SLX4: variants seen among roughly 807,000 people sequenced by gnomAD.
The protein encoded by SLX4 is SLX4 structure-specific endonuclease subunit.
Under a neutral mutation model 146.2 loss-of-function variants are expected in SLX4, and 112 were observed. The observed-to-expected ratio is 0.77, with a 90% confidence interval of 0.66 to 0.90. The LOEUF is 0.90. SLX4 is among the 40% of genes least tolerant of loss of function. The pLI, the probability that SLX4 is intolerant of heterozygous loss-of-function variation, is 0.00. For synonymous variants in SLX4, 1,061 were observed against 997.7 expected (o/e 1.06, Z -1.20); for missense variants, 2,563 against 2,392.7 (o/e 1.07, Z -1.49).
intron 1 of SLX4, among the ~76,000 whole-genome samples, chr16:3,610,039 C>T (rs1353884902): frequency 6.6e-6 from 1 of 152,228 alleles, no homozygotes; most frequent in Non-Finnish European, 1.5e-5. Context: ...CTCAACCCAG[C>T]AAGGCTCTCC....
chr16:3,591,419 T>C (rs1418925977), intron 11 of SLX4, 109 bp from the exon 12 acceptor site: 1 of 1,492,886 alleles, frequency 6.7e-7, no homozygotes, highest in African/African-American at 1.4e-5. Context: ...GGAATGACCA[T>C]GACCCAGGCC....
chr16:3,590,950 CA>C lies in SLX4; in HGVS notation c.2687del (p.Val896GlyfsTer105). ...CCTCCACCTTGTCCCACTGTTTCTGCACCTGGACACCTGCTAGGAGTTGCCC... is the reference window on the plus strand; with the variant it reads ...CCTCCACCTTGTCCCACTGTTTCTGCCCTGGACACCTGCTAGGAGTTGCCC... ...VSGQLLAGVQ[V>X]QKQWDKVEEM... On this transcript the variant is annotated frameshift_variant, in exon 12 of 15. Transcript: ENST00000294008. LOFTEE classifies it high-confidence loss of function. This position sits in a 1 kb window ranked among gnomAD's most constrained non-coding sequence, Gnocchi z 4.8. 16 of 1,614,208 alleles carry C rather than the reference CA, an allele frequency of 9.9e-6. No individual in the cohort carries two copies. Among genetic ancestry groups the C allele is most frequent in the Non-Finnish European group, 1.3e-5 (15 of 1,180,046 alleles).
In SLX4 at chr16:3,589,737, C is replaced by T. The variant is rs2151122534; in HGVS notation, c.3901G>A (p.Gly1301Arg). The T allele has an allele frequency of 6.2e-7, 1 of 1,613,920 alleles. No individual in the cohort carries two copies. Among genetic ancestry groups the T allele is most frequent in the Non-Finnish European group, 8.5e-7 (1 of 1,180,048 alleles). Reference protein sequence around the residue: ...TPRASVGNREGNEVAQKFSVI... With the variant: ...TPRASVGNRERNEVAQKFSVI... ...GAAAACTTCTGTGCGACTTCGTTCC[C>T]TTCCCTGTTTCCTACTGAGGCCCTG... Residue 1301 changes from glycine to arginine, a missense_variant, in exon 12 of 15, where the codon GGG becomes AGG. By Grantham distance (125) the Gly-to-Arg change is moderately radical. Transcript: ENST00000294008. This position sits in a 1 kb window ranked among gnomAD's most constrained non-coding sequence, Gnocchi z 6.2.
intron 12 of SLX4, among the ~76,000 whole-genome samples, chr16:3,585,585 C>CAAAA (rs35181087): frequency 1.1e-5 from 1 of 90,052 alleles, no homozygotes; most frequent in African/African-American, 4.2e-5. Context: ...GACTCTGTCT[C>CAAAA]AAAAAAAAAA....
At position 3,582,200 on chromosome 16, in the gene SLX4, T is replaced by A; in HGVS notation, c.*142A>T. On this transcript the variant is annotated 3_prime_UTR_variant, in exon 15 of 15. Transcript: ENST00000294008. ...GCCCTGGATTGGGCTGTGGTCATCA[T>A]CACAGCGCAGAGCTGATGTGGTCCC... 1 of 689,822 alleles carries A rather than the reference T, an allele frequency of 1.4e-6. No homozygotes were observed. The highest frequency in any genetic ancestry group is 2.5e-6 in the Non-Finnish European group (1 of 402,458). 42.7% of individuals were successfully genotyped at this position (689,822 alleles called of 1,614,324 possible).
At position 3,581,627 on chromosome 16, in the gene SLX4, G is replaced by A. The variant is rs1339290915; in HGVS notation, c.*715C>T. 6.5e-6 allele frequency: 1 copy of A among 153,408 alleles called. No homozygotes were observed. The highest frequency in any genetic ancestry group is 6.5e-5 in the Admixed American group (1 of 15,406). 9.5% of individuals were successfully genotyped at this position (153,408 alleles called of 1,614,324 possible). On this transcript the variant is annotated 3_prime_UTR_variant, in exon 15 of 15. Coordinates refer to ENST00000294008, the MANE Select transcript of SLX4 (RefSeq NM_032444.4). ...CGTCCATCTCAGGACAGACATGTAG[G>A]GCAGCTGTGCCCAGGACTGGTGGGC...
rs770020797 is a variant in SLX4, at chr16:3,589,710, C to T, written c.3928G>A (p.Val1310Ile). The T allele has an allele frequency of 6.2e-7, 1 of 1,613,976 alleles. No homozygotes were observed. The highest frequency in any genetic ancestry group is 1.3e-5 in the African/African-American group (1 of 75,034). Reference protein sequence around the residue: ...EGNEVAQKFSVIRPQTPPPQT... With the variant: ...EGNEVAQKFSIIRPQTPPPQT... ...GGCGGTGGTGTCTGGGGCCTGATGA[C>T]AGAAAACTTCTGTGCGACTTCGTTC... is the stretch of plus-strand genomic sequence containing the variant. The change falls in exon 12 of 15, where the codon GTC becomes ATC. Residue 1310 changes from valine to isoleucine, a missense_variant. Transcript: ENST00000294008. The surrounding 1 kb of genome is among the most constrained non-coding windows in gnomAD (Gnocchi z 6.2).
rs374004875 is a variant in SLX4, at chr16:3,594,445, G to A, written c.2160+8C>T. ...GAAAGGAGGGCACACGGCAGCCCAC[G>A]TACTTACATACTGGATGAGGAGCGG... is the stretch of plus-strand genomic sequence containing the variant. On this transcript the variant is annotated splice_region_variant and intron_variant, in intron 10 of 14. Coordinates refer to ENST00000294008, the MANE Select transcript of SLX4 (RefSeq NM_032444.4). 44 of 1,611,404 alleles carry A rather than the reference G, an allele frequency of 2.7e-5. No individual in the cohort carries two copies. In the African/African-American group the frequency reaches 4.5e-4, roughly 17 times the overall value.
At position 3,590,749 on chromosome 16, in the gene SLX4, C is replaced by T. The variant is rs201978747; in HGVS notation, c.2889G>A (p.Arg963=). The T allele has an allele frequency of 1.5e-5, 25 of 1,614,104 alleles. No homozygotes were observed. The highest frequency in any genetic ancestry group is 2.1e-5 in the Non-Finnish European group (25 of 1,180,030). Residue 963 remains arginine (R), a synonymous_variant, in exon 12 of 15, where the codon AGG becomes AGA. Transcript: ENST00000294008. The surrounding 1 kb of genome is among the most constrained non-coding windows in gnomAD (Gnocchi z 4.8). ...CTTCTTTTCTCTCTGCCTGGCAGTC[C>T]CTGGAAGGGCTGGAGCAGCTGGAAT... ...LGHSSCSSPS[R]DCQAERKEGS...
At chr16:3,601,766 C>T in intron 4 of SLX4, 1 of 342,392 alleles carries the variant, frequency 2.9e-6, no homozygotes, top group East Asian at 7.1e-5. Context: ...GCAAATCCAT[C>T]CAGACAGAAT....
At position 3,584,882 on chromosome 16, in the gene SLX4, CAAAAG is replaced by C; in HGVS notation, c.4637-16_4637-12del. The C allele has an allele frequency of 6.3e-7, 1 of 1,588,368 alleles. No individual in the cohort carries two copies. The highest frequency in any genetic ancestry group is 8.6e-7 in the Non-Finnish European group (1 of 1,156,580). ...TCCGATTAGCACCTTCTGGGTAAAA[CAAAAG>C]AAGCACACGTTTTAGCATGAGGGAC... On this transcript the variant is annotated splice_polypyrimidine_tract_variant and intron_variant, in intron 12 of 14. Coordinates refer to ENST00000294008, the MANE Select transcript of SLX4 (RefSeq NM_032444.4).
intron 12 of SLX4, among the ~76,000 whole-genome samples, chr16:3,587,271 C>T (rs148136681): frequency 0.014 from 2,205 of 152,178 alleles, 62 homozygotes; most frequent in African/African-American, 0.05. Flanking sequence ...CCGAGGTGGG[C>T]GGATCACCTG....
In SLX4 at chr16:3,589,971, G is replaced by A. The variant is rs1469061695; in HGVS notation, c.3667C>T (p.Pro1223Ser). 2 of 1,613,900 alleles carry A rather than the reference G, an allele frequency of 1.2e-6. No individual in the cohort carries two copies. Among genetic ancestry groups the A allele is most frequent in the South Asian group, 2.2e-5 (2 of 91,072 alleles). The change falls in exon 12 of 15, where the codon CCG becomes TCG. Residue 1223 changes from proline to serine, a missense_variant. By Grantham distance (74) the Pro-to-Ser change is moderately conservative (BLOSUM62 -1). Transcript: ENST00000294008. This position sits in a 1 kb window ranked among gnomAD's most constrained non-coding sequence, Gnocchi z 6.2. ...VLQQEDEGAL[P>S]ENRGSLGRRG... Reference sequence around the variant, plus strand: ...CTGCCCAAAGAGCCCCGATTCTCCGGCAGCGCCCCCTCATCCTCCTGCTGC... The same window carrying A: ...CTGCCCAAAGAGCCCCGATTCTCCGACAGCGCCCCCTCATCCTCCTGCTGC...
At chr16:3,602,454 T>G in intron 3 of SLX4, 147 bp from the exon 4 acceptor site, 1 of 899,900 alleles carries the variant, frequency 1.1e-6, no homozygotes, top group South Asian at 1.4e-5. Flanking sequence ...GGCTGGTGAC[T>G]TGGACACTGT....
At chr16:3,592,558 A>G (rs915403943) in intron 11 of SLX4, 141 bp downstream of exon 11, 2 of 1,040,472 alleles carry the variant, frequency 1.9e-6, no homozygotes, top group Non-Finnish European at 2.9e-6. Flanking sequence ...ATCACTGGTC[A>G]TGGACTTGGG....
chr16:3,582,280 C>G lies in SLX4; in HGVS notation c.*62G>C, dbSNP rs1240359298. Reference sequence around the variant, plus strand: ...CCCACGCTGGGTGTCCCAGGTCCTCCCTGCAAATGGCGGGGGTGGGGGCTG... The same window carrying G: ...CCCACGCTGGGTGTCCCAGGTCCTCGCTGCAAATGGCGGGGGTGGGGGCTG... On this transcript the variant is annotated 3_prime_UTR_variant, in exon 15 of 15. Coordinates refer to ENST00000294008, the MANE Select transcript of SLX4 (RefSeq NM_032444.4). 1.4e-6 allele frequency: 2 copies of G among 1,479,666 alleles called. No homozygotes were observed. The highest frequency in any genetic ancestry group is 1.8e-6 in the Non-Finnish European group (2 of 1,084,962). 91.7% of individuals were successfully genotyped at this position (1,479,666 alleles called of 1,614,324 possible).
intron 3 of SLX4, among the ~76,000 whole-genome samples, chr16:3,602,821 C>T (rs747155781): frequency 6.6e-5 from 10 of 152,148 alleles, no homozygotes; most frequent in African/African-American, 2.4e-4. Context: ...ATGCCTTTGG[C>T]GTTTAAAAGG....
rs986610262 is a variant in SLX4, at chr16:3,598,134, C to A, written c.1164-135G>T. Reference sequence around the variant, plus strand: ...GGACCTGCCAGGCAGATGCGTCCCCCACTTCCACTGCCTTGTGTGAACTCA... The same window carrying A: ...GGACCTGCCAGGCAGATGCGTCCCCAACTTCCACTGCCTTGTGTGAACTCA... On this transcript the variant is annotated intron_variant, in intron 5 of 14. Transcript: ENST00000294008. 43 of 947,500 alleles carry A rather than the reference C, an allele frequency of 4.5e-5. No individual in the cohort carries two copies. In the African/African-American group the frequency reaches 6.0e-4, roughly 13 times the overall value. 58.7% of individuals were successfully genotyped at this position (947,500 alleles called of 1,614,324 possible).
chr16:3,596,253 C>A lies in SLX4; in HGVS notation c.1824G>T (p.Glu608Asp), dbSNP rs1028896815. Residue 608 changes from glutamate to aspartate, a missense_variant, in exon 8 of 15, where the codon GAG (glutamate) becomes GAT (aspartate). By Grantham distance (45) the Glu-to-Asp change is conservative. Transcript: ENST00000294008. ...CCACGAGGTCCTGCAGGGCCTGGTG[C>A]TCCCTCTGGCTGGCCGAAGGCGACG... is the stretch of plus-strand genomic sequence containing the variant. ...RGPSPSASQR[E>D]HQALQDLVDL... 6.4e-7 allele frequency: 1 copy of A among 1,558,100 alleles called. No homozygotes were observed. Among genetic ancestry groups the A allele is most frequent in the East Asian group, 2.4e-5 (1 of 41,750 alleles).
Sources: gnomAD v4.1 joint callset for allele counts (sites outside exome capture counted in the v4.1 genomes callset) on GRCh38, gnomAD v4.1.1 for gene constraint, Gnocchi (gnomAD v3.1) non-coding constraint, MANE v1.5 for transcripts, NCBI Gene and HGNC (gene_info 2026-07-23, HGNC 2026-07-21) for gene names.